SCAPER: variants seen among roughly 807,000 people sequenced by gnomAD.
SCAPER encodes the protein S phase cyclin A-associated protein in the endoplasmic reticulum.
Under a neutral mutation model 182.2 loss-of-function variants are expected in SCAPER, and 98 were observed. That is an observed-to-expected ratio of 0.54 (90% CI 0.46 to 0.64). The LOEUF is 0.64. Among genes scored for constraint, SCAPER ranks in the 30% least tolerant of loss-of-function variants. SCAPER has a pLI of 0.00. For synonymous variants in SCAPER, 605 were observed against 564.6 expected, an observed-to-expected ratio of 1.07 and a Z score of -1.01; for missense variants, 1,432 against 1,690.0, an observed-to-expected ratio of 0.85 and a Z score of 2.68.
At chr15:76,817,083 A>G (rs1274626603) in intron 5 of SCAPER, among the ~76,000 whole-genome samples, 3 of 152,232 alleles carry the variant, frequency 2.0e-5, no homozygotes, top group African/African-American at 7.2e-5. Flanking sequence ...ACTGAGTAAT[A>G]TATTGTGCTA....
At chr15:76,496,471 T>C (rs2040553568) in intron 24 of SCAPER, among the ~76,000 whole-genome samples, 1 of 152,216 alleles carries the variant, frequency 6.6e-6, no homozygotes, top group Admixed American at 6.5e-5. Flanking sequence ...CTTACAGAAC[T>C]TGTATTTTTC....
intron 2 of SCAPER, among the ~76,000 whole-genome samples, chr15:76,877,254 G>A (rs1039536351): frequency 5.3e-5 from 8 of 150,478 alleles, no homozygotes. Flanking sequence ...GTCTCCCACT[G>A]GCTAATATGG....
At position 76,478,147 on chromosome 15, in the gene SCAPER, A is replaced by G. The variant is rs113978323; in HGVS notation, c.2955-6812T>C. 2.8e-3 allele frequency among the ~76,000 whole-genome samples: 432 copies of G among 152,072 alleles called. 4 individuals carry two copies. The highest frequency in any genetic ancestry group is 8.5e-3 in the African/African-American group (353 of 41,562). The stretch of plus-strand genomic sequence containing the variant: ...CACAATATAAACTTGATTTAGGCAT[A>G]AGGGAAAAAGACATTTACTTTCTTA... On this transcript the variant is annotated intron_variant, in intron 24 of 31. Coordinates refer to ENST00000563290, the MANE Select transcript of SCAPER (RefSeq NM_020843.4).
intron 5 of SCAPER, among the ~76,000 whole-genome samples, chr15:76,837,098 A>T (rs745426338): frequency 7.2e-5 from 11 of 152,250 alleles, no homozygotes; most frequent in Non-Finnish European, 1.5e-4. Flanking sequence ...AACAAAGTAA[A>T]CAGACAACCC....
chr15:76,477,550 AAGCCTTTTGAT>A (rs758714972), intron 24 of SCAPER, among the ~76,000 whole-genome samples: 40 of 152,268 alleles, frequency 2.6e-4, no homozygotes, highest in Middle Eastern at 3.4e-3. Flanking sequence ...ACATTTTATG[AAGCCTTTTGAT>A]AGATATTATC....
At chr15:76,827,732 G>C (rs1212005921) in intron 5 of SCAPER, among the ~76,000 whole-genome samples, 1 of 152,090 alleles carries the variant, frequency 6.6e-6, no homozygotes, top group East Asian at 1.9e-4. Context: ...TAGAACACAG[G>C]TGACTAGAAA....
chr15:76,621,637 T>C (rs1163267795), intron 22 of SCAPER, 127 bp downstream of exon 22: 5 of 793,888 alleles, frequency 6.3e-6, no homozygotes, highest in Non-Finnish European at 2.0e-6. Flanking sequence ...TACTACTGTG[T>C]TAAGAGAATG....
At chr15:76,563,802 G>C (rs1389447492) in intron 23 of SCAPER, among the ~76,000 whole-genome samples, 1 of 152,096 alleles carries the variant, frequency 6.6e-6, no homozygotes, top group Non-Finnish European at 1.5e-5. Flanking sequence ...ACATCAAAAA[G>C]CTTATCCACC....
chr15:76,458,524 C>G (rs575235465), intron 25 of SCAPER, among the ~76,000 whole-genome samples: 2 of 152,126 alleles, frequency 1.3e-5, no homozygotes, highest in African/African-American at 4.8e-5. Context: ...TTCTGAGCTT[C>G]TCTTTTGTTT....
chr15:76,476,464 T>C (rs1303546669), intron 24 of SCAPER, among the ~76,000 whole-genome samples: 1 of 152,040 alleles, frequency 6.6e-6, no homozygotes, highest in African/African-American at 2.4e-5. Context: ...GGTGTTGTTC[T>C]GTCACCCAGG....
Position 76,835,457 on chromosome 15 carries a change from CAACA to C in SCAPER, c.393+6273_393+6276del, listed in dbSNP as rs573776135. Among the ~76,000 whole-genome samples the C allele has an allele frequency of 3.6e-4, 55 of 152,224 alleles. No individual in the cohort carries two copies. The South Asian group carries it at 0.011, about 32-fold the overall frequency. On this transcript the variant is annotated intron_variant, in intron 5 of 31. Transcript: ENST00000563290. ...AAAAACAAAAACCACATGAGCATCTCAACAGACACAGAAAAGGCTTTCAATAAAA... is the reference window on the plus strand; with the variant it reads ...AAAAACAAAAACCACATGAGCATCTCGACACAGAAAAGGCTTTCAATAAAA...
At chr15:76,691,919 TAGATA>T (rs2058383226) in intron 20 of SCAPER, among the ~76,000 whole-genome samples, 1 of 152,202 alleles carries the variant, frequency 6.6e-6, no homozygotes, top group Non-Finnish European at 1.5e-5. Flanking sequence ...TTTTTGAAGT[TAGATA>T]AAATGTCCCA....
At chr15:76,599,378 C>G (rs1468225960) in intron 22 of SCAPER, among the ~76,000 whole-genome samples, 1 of 121,844 alleles carries the variant, frequency 8.2e-6, no homozygotes, top group African/African-American at 2.5e-5. Context: ...CCTAAACATA[C>G]ACATATCAAA....
At chr15:76,513,172 T>C (rs1430242287) in intron 23 of SCAPER, among the ~76,000 whole-genome samples, 2 of 152,170 alleles carry the variant, frequency 1.3e-5, no homozygotes, top group Non-Finnish European at 2.9e-5. Context: ...GCCCCAGTCC[T>C]GGCACAGAGC....
intron 17 of SCAPER, among the ~76,000 whole-genome samples, chr15:76,725,918 C>T (rs889821084): frequency 3.3e-5 from 5 of 150,132 alleles, no homozygotes; most frequent in African/African-American, 1.2e-4. Context: ...AACTTCACAA[C>T]ATTGGATTTG....
intron 8 of SCAPER, among the ~76,000 whole-genome samples, chr15:76,792,653 T>C (rs1234653594): frequency 1.3e-5 from 2 of 152,220 alleles, no homozygotes; most frequent in African/African-American, 4.8e-5. Context: ...GAAATATCAC[T>C]GAATAATGAG....
At chr15:76,414,511 G>C (rs983532523) in intron 26 of SCAPER, among the ~76,000 whole-genome samples, 1 of 150,556 alleles carries the variant, frequency 6.6e-6, no homozygotes, top group African/African-American at 2.5e-5. Flanking sequence ...ATAAATGAAG[G>C]CTGATTTTTT....
At chr15:76,826,543 C>A in intron 5 of SCAPER, among the ~76,000 whole-genome samples, 1 of 146,636 alleles carries the variant, frequency 6.8e-6, no homozygotes, top group African/African-American at 2.5e-5. Context: ...GCACATGTAC[C>A]CTAAAACTTT....
At chr15:76,899,468 A>G (rs946286642) in intron 1 of SCAPER, among the ~76,000 whole-genome samples, 14 of 152,148 alleles carry the variant, frequency 9.2e-5, no homozygotes, top group Admixed American at 2.6e-4. Flanking sequence ...TCAATGCTCA[A>G]TGTTGCCCAG....
Sources: gnomAD v4.1 joint callset for allele counts (sites outside exome capture counted in the v4.1 genomes callset) on GRCh38, gnomAD v4.1.1 for gene constraint, MANE v1.5 for transcripts, NCBI Gene and HGNC (gene_info 2026-07-23, HGNC 2026-07-21) for gene names.